Variants in C14orf132 observed in about 807,000 individuals in gnomAD.
C14orf132 encodes uncharacterized protein C14orf132.
Under a neutral mutation model 5.8 loss-of-function variants are expected in C14orf132, and 6 were observed. The observed-to-expected ratio is 1.03, with a 90% CI of 0.57 to 2.04. The LOEUF is 2.04. Among genes scored for constraint, C14orf132 ranks in the 30% most tolerant of loss-of-function variants. The pLI is 0.00. For synonymous variants in C14orf132, 51 were observed against 49.8 expected (o/e 1.02, Z -0.10); for missense variants, 125 against 115.8 (o/e 1.08, Z -0.37).
At chr14:96,076,006 C>A (rs559373811) in intron 1 of C14orf132, among the ~76,000 whole-genome samples, 3 of 152,194 alleles carry the variant, frequency 2.0e-5, no homozygotes, top group Non-Finnish European at 4.4e-5. Context: ...TATTTTTCTT[C>A]TTTATATTTT....
intron 1 of C14orf132, among the ~76,000 whole-genome samples, chr14:96,047,741 G>A (rs573832093): frequency 6.6e-6 from 1 of 152,316 alleles, no homozygotes; most frequent in South Asian, 2.1e-4. Flanking sequence ...TTTTTAAAGA[G>A]ATGTTTTAAG....
intron 1 of C14orf132, among the ~76,000 whole-genome samples, chr14:96,043,080 C>T (rs140802837): frequency 9.8e-5 from 15 of 152,296 alleles, no homozygotes; most frequent in Admixed American, 3.9e-4. Context: ...TGCTTGCTGC[C>T]CACCACTTCA....
intron 1 of C14orf132, among the ~76,000 whole-genome samples, chr14:96,084,543 C>T (rs900218175): frequency 6.6e-6 from 1 of 152,216 alleles, no homozygotes; most frequent in South Asian, 2.1e-4. Context: ...CTTTTATTTA[C>T]ACTTATAATT....
At chr14:96,047,379 T>G (rs1183445368) in intron 1 of C14orf132, among the ~76,000 whole-genome samples, 1 of 152,188 alleles carries the variant, frequency 6.6e-6, no homozygotes, top group Non-Finnish European at 1.5e-5. Context: ...ATGAAATGCT[T>G]GAGTGTTTAG....
At chr14:96,069,256 CATATATATATATATATATATATAT>C (rs55648129) in intron 1 of C14orf132, among the ~76,000 whole-genome samples, 2,408 of 95,252 alleles carry the variant, frequency 0.025, 64 homozygotes, top group African/African-American at 0.052. Flanking sequence ...TGTTTATGTT[CATATATATATATATATATATATAT>C]ATATATATAT....
intron 1 of C14orf132, among the ~76,000 whole-genome samples, chr14:96,042,317 G>A (rs891070897): frequency 6.6e-6 from 1 of 152,218 alleles, no homozygotes; most frequent in Non-Finnish European, 1.5e-5. Context: ...GGGGTGAGAA[G>A]TTTGCATCTA....
At chr14:96,085,456 G>A (rs750661646) in intron 1 of C14orf132, among the ~76,000 whole-genome samples, 5 of 152,218 alleles carry the variant, frequency 3.3e-5, no homozygotes, top group Non-Finnish European at 5.9e-5. Context: ...CCTCTTCACT[G>A]CTGTGTCCGG....
intron 1 of C14orf132, among the ~76,000 whole-genome samples, chr14:96,053,093 A>AGGGT (rs1887075461): frequency 1.5e-4 from 23 of 152,314 alleles, no homozygotes; most frequent in Admixed American, 1.4e-3. Context: ...GCCAACTGGG[A>AGGGT]TGGCTGGTCA....
In C14orf132 at chr14:96,088,337, T is replaced by C. The variant is rs1018168476; in HGVS notation, c.*1602T>C. ...GCTCATGGCTGCCAGTTCTTACCGA[T>C]CACATCTGTCACTGCCACCGTATAT... On this transcript the variant is annotated 3_prime_UTR_variant, in exon 2 of 2. Transcript: ENST00000555004. 6.6e-6 allele frequency: 1 copy of C among 152,138 alleles called. No homozygotes were observed. Among genetic ancestry groups the C allele is most frequent in the Non-Finnish European group, 1.5e-5 (1 of 68,026 alleles). The allele number at this position is 152,138 out of a possible 1,614,324, so 9.4% of individuals were successfully genotyped here. A position where few individuals can be genotyped will look rare whatever the true frequency, so the allele number is the denominator to read the frequency against.
At chr14:96,049,874 A>G (rs1403257655) in intron 1 of C14orf132, among the ~76,000 whole-genome samples, 1 of 151,220 alleles carries the variant, frequency 6.6e-6, no homozygotes, top group South Asian at 2.1e-4. Flanking sequence ...TGCTATTAAT[A>G]ATAGCCCCAC....
Position 96,090,343 on chromosome 14 carries a change from A to C in C14orf132, c.*3608A>C, listed in dbSNP as rs368486475. 4.1e-4 allele frequency: 102 copies of C among 247,038 alleles called. 2 individuals are homozygous for C. In the South Asian group the frequency reaches 4.9e-3, roughly 12 times the overall value. The allele number at this position is 247,038 out of a possible 1,614,324, so 15.3% of individuals were successfully genotyped here. A position where few individuals can be genotyped will look rare whatever the true frequency, so the allele number is the denominator to read the frequency against. Reference sequence around the variant, plus strand: ...GAGGCGGAGGCTGCAGTGAGCTGAGATTGTGCCACTGCACTCCAGCCTGGG... The same window carrying C: ...GAGGCGGAGGCTGCAGTGAGCTGAGCTTGTGCCACTGCACTCCAGCCTGGG... On this transcript the variant is annotated 3_prime_UTR_variant, in exon 2 of 2. Coordinates refer to ENST00000555004, the MANE Select transcript of C14orf132 (RefSeq NM_001252507.3).
Position 96,048,175 on chromosome 14 carries a change from G to A in C14orf132, c.27+8648G>A, listed in dbSNP as rs554651090. Among the ~76,000 whole-genome samples the A allele has an allele frequency of 4.6e-5, 7 of 152,268 alleles. No individual in the cohort carries two copies. In the East Asian group the frequency reaches 1.4e-3, roughly 29 times the overall value. On this transcript the variant is annotated intron_variant, in intron 1 of 1. Transcript: ENST00000555004. ...TGCACTCCAGCCTGGGTGACAGAGT[G>A]AAACTCCATCTCAAAAAACAAAAAC...
At chr14:96,078,594 A>G (rs529617277) in intron 1 of C14orf132, among the ~76,000 whole-genome samples, 2 of 152,132 alleles carry the variant, frequency 1.3e-5, no homozygotes, top group South Asian at 4.2e-4. Flanking sequence ...ATACTCTCCT[A>G]GTTTCATAAT....
rs1888409795 is a variant in C14orf132 at position 96,091,635 on chromosome 14, G to C, written c.*4900G>C. On this transcript the variant is annotated 3_prime_UTR_variant, in exon 2 of 2. Coordinates refer to ENST00000555004, the MANE Select transcript of C14orf132 (RefSeq NM_001252507.3). ...CGAGCAAGTGCCAGGGTTGGGCTGA[G>C]CTGCTATGACAGGGAGGCCCAGGGA... 1 of 154,158 alleles carries C rather than the reference G, an allele frequency of 6.5e-6. No individual in the cohort carries two copies. The highest frequency in any genetic ancestry group is 1.4e-5 in the Non-Finnish European group (1 of 69,498). 9.5% of individuals were successfully genotyped at this position (154,158 alleles called of 1,614,324 possible). A position where few individuals can be genotyped will look rare whatever the true frequency, so the allele number is the denominator to read the frequency against.
rs765732912 is a variant in C14orf132 at position 96,091,099 on chromosome 14, G to A, written c.*4364G>A. The A allele has an allele frequency of 9.1e-6, 4 of 437,942 alleles. No homozygotes were observed. Among genetic ancestry groups the A allele is most frequent in the South Asian group, 6.7e-5 (4 of 59,834 alleles). The allele number at this position is 437,942 out of a possible 1,614,324, so 27.1% of individuals were successfully genotyped here. On this transcript the variant is annotated 3_prime_UTR_variant, in exon 2 of 2. Coordinates refer to ENST00000555004, the MANE Select transcript of C14orf132 (RefSeq NM_001252507.3). ...CGCATTTTTCTGTGGAGAAAACTGA[G>A]GCCAGGGCTGAACGCTCACAGCTAA...
At chr14:96,053,302 G>A (rs1370951160) in intron 1 of C14orf132, among the ~76,000 whole-genome samples, 1 of 152,170 alleles carries the variant, frequency 6.6e-6, no homozygotes, top group African/African-American at 2.4e-5. Context: ...GGGGACGCTG[G>A]GGAACAAGCA....
At chr14:96,059,835 G>A (rs1887294423) in intron 1 of C14orf132, among the ~76,000 whole-genome samples, 2 of 152,230 alleles carry the variant, frequency 1.3e-5, no homozygotes, top group Admixed American at 1.3e-4. Flanking sequence ...CTCCTGCTGA[G>A]GGTCTTCTGT....
chr14:96,077,673 A>G (rs1275083209), intron 1 of C14orf132, among the ~76,000 whole-genome samples: 1 of 152,180 alleles, frequency 6.6e-6, no homozygotes, highest in African/African-American at 2.4e-5. Flanking sequence ...GGTACTTTGT[A>G]TGGCAGCCAG....
intron 1 of C14orf132, among the ~76,000 whole-genome samples, chr14:96,051,773 G>A (rs889309395): frequency 2.0e-5 from 3 of 152,284 alleles, no homozygotes; most frequent in Non-Finnish European, 2.9e-5. Flanking sequence ...AATCAATTAG[G>A]CAGGGCCAGC....
Sources: gnomAD v4.1 joint callset for allele counts (sites outside exome capture counted in the v4.1 genomes callset) on GRCh38, gnomAD v4.1.1 for gene constraint, MANE v1.5 for transcripts, NCBI Gene and HGNC (gene_info 2026-07-23, HGNC 2026-07-21) for gene names.